Variants in LRRTM4 observed in about 807,000 individuals in gnomAD.
LRRTM4 encodes leucine-rich repeat transmembrane neuronal protein 4.
LRRTM4 carries 25 observed loss-of-function variants against 47.6 expected under a neutral mutation model. That is an observed-to-expected ratio of 0.53 (90% CI 0.38 to 0.73). LRRTM4 has a LOEUF of 0.73. LRRTM4 is among the 30% of genes least tolerant of loss of function. The pLI, the probability that LRRTM4 is intolerant of heterozygous loss-of-function variation, is 0.00. For missense variants in LRRTM4, 638 were observed against 713.4 expected (o/e 0.89, Z 1.20); for synonymous variants, 311 against 269.5 (o/e 1.15, Z -1.51).
chr2:77,103,446 A>T lies in LRRTM4; in HGVS notation c.1552-354530T>A, dbSNP rs552096746. Among the ~76,000 whole-genome samples the T allele has an allele frequency of 3.3e-5, 5 of 152,268 alleles. No homozygotes were observed. In the East Asian group the frequency reaches 9.7e-4, roughly 29 times the overall value. On this transcript the variant is annotated intron_variant, in intron 3 of 3. Coordinates refer to ENST00000409884, the MANE Select transcript of LRRTM4 (RefSeq NM_001134745.3). Reference sequence around the variant, plus strand: ...AAGAATTCCCCATAGTGTGAAAAACAGCCATCCATCTGTAAGAATGAGAAA... The same window carrying T: ...AAGAATTCCCCATAGTGTGAAAAACTGCCATCCATCTGTAAGAATGAGAAA...
At chr2:76,888,395 C>G (rs759216009) in intron 3 of LRRTM4, among the ~76,000 whole-genome samples, 2 of 151,420 alleles carry the variant, frequency 1.3e-5, no homozygotes, top group African/African-American at 2.4e-5. Context: ...TTCTCGAACA[C>G]ATACATAGAC....
intron 3 of LRRTM4, among the ~76,000 whole-genome samples, chr2:76,987,744 A>G (rs1676853754): frequency 1.3e-5 from 2 of 151,772 alleles, no homozygotes; most frequent in Admixed American, 6.6e-5. Flanking sequence ...CAGAGTCTCC[A>G]TTATCCTGTA....
At chr2:76,895,246 A>G (rs186862645) in intron 3 of LRRTM4, among the ~76,000 whole-genome samples, 163 of 152,176 alleles carry the variant, frequency 1.1e-3, no homozygotes, top group African/African-American at 3.8e-3. Context: ...ACCATGAATA[A>G]AAGTGCTTCA....
intron 3 of LRRTM4, among the ~76,000 whole-genome samples, chr2:76,846,063 G>A (rs577736000): frequency 2.4e-4 from 36 of 152,164 alleles, no homozygotes; most frequent in Admixed American, 5.2e-4. Flanking sequence ...ATATATATGC[G>A]CATTCAGTGG....
chr2:77,157,558 A>T (rs1233448909), intron 3 of LRRTM4, among the ~76,000 whole-genome samples: 1 of 152,120 alleles, frequency 6.6e-6, no homozygotes, highest in Non-Finnish European at 1.5e-5. Context: ...TCTTAAACGT[A>T]TGAGTATAGT....
At chr2:76,878,798 C>T (rs1204903255) in intron 3 of LRRTM4, among the ~76,000 whole-genome samples, 2 of 152,014 alleles carry the variant, frequency 1.3e-5, no homozygotes, top group Non-Finnish European at 2.9e-5. Flanking sequence ...CGCTTGAACC[C>T]AGGAGGCGGA....
chr2:76,909,847 C>T (rs1454256215), intron 3 of LRRTM4, among the ~76,000 whole-genome samples: 1 of 152,158 alleles, frequency 6.6e-6, no homozygotes, highest in East Asian at 1.9e-4. Flanking sequence ...CAGGAAACAA[C>T]AGGTGCTGGA....
chr2:76,931,465 T>A (rs1674766871), intron 3 of LRRTM4, among the ~76,000 whole-genome samples: 2 of 152,140 alleles, frequency 1.3e-5, no homozygotes. Flanking sequence ...CACAATGTCT[T>A]CCTTTAATCC....
At chr2:77,464,935 TA>T (rs1220762767) in intron 3 of LRRTM4, among the ~76,000 whole-genome samples, 1 of 152,268 alleles carries the variant, frequency 6.6e-6, no homozygotes, top group East Asian at 1.9e-4. Context: ...TCTGTGCCAA[TA>T]AGCAAATAAC....
chr2:76,944,500 T>C (rs1361022302), intron 3 of LRRTM4, among the ~76,000 whole-genome samples: 1 of 152,152 alleles, frequency 6.6e-6, no homozygotes, highest in Non-Finnish European at 1.5e-5. Context: ...AAGTATTAGT[T>C]ACCCAACAAA....
At chr2:77,217,440 A>AATAAATATATATATAT (rs1486543423) in intron 3 of LRRTM4, among the ~76,000 whole-genome samples, 1 of 76,818 alleles carries the variant, frequency 1.3e-5, no homozygotes, top group African/African-American at 6.2e-5. Flanking sequence ...CTCCAAATGA[A>AATAAATATATATATAT]ATATATATAT....
intron 3 of LRRTM4, among the ~76,000 whole-genome samples, chr2:76,823,678 GTTC>G (rs1486488776): frequency 1.3e-5 from 2 of 151,372 alleles, no homozygotes; most frequent in African/African-American, 2.4e-5. Flanking sequence ...TGAGAGTCAA[GTTC>G]TTCAACAACA....
intron 3 of LRRTM4, among the ~76,000 whole-genome samples, chr2:77,287,850 A>G (rs1044403376): frequency 1.3e-5 from 2 of 152,190 alleles, no homozygotes; most frequent in Non-Finnish European, 2.9e-5. Context: ...GAAAAACAAC[A>G]TAGTATACAT....
At chr2:76,863,071 CA>C (rs1672365766) in intron 3 of LRRTM4, among the ~76,000 whole-genome samples, 1 of 152,166 alleles carries the variant, frequency 6.6e-6, no homozygotes, top group Admixed American at 6.6e-5. Flanking sequence ...ACACGTCTGA[CA>C]TTGAAGACAT....
At chr2:77,133,527 A>C (rs186662965) in intron 3 of LRRTM4, among the ~76,000 whole-genome samples, 1 of 152,316 alleles carries the variant, frequency 6.6e-6, no homozygotes, top group Non-Finnish European at 1.5e-5. Flanking sequence ...ATTTTTAATA[A>C]GTGATAATTG....
chr2:77,147,488 T>C (rs893469915), intron 3 of LRRTM4, among the ~76,000 whole-genome samples: 7 of 152,198 alleles, frequency 4.6e-5, no homozygotes, highest in Non-Finnish European at 7.4e-5. Flanking sequence ...ATGTACATTA[T>C]GCCATCACGT....
intron 3 of LRRTM4, among the ~76,000 whole-genome samples, chr2:76,762,575 G>T (rs900251437): frequency 2.0e-5 from 3 of 152,136 alleles, no homozygotes; most frequent in Admixed American, 2.0e-4. Context: ...CATTTGTAAG[G>T]ACAGCAGATA....
At chr2:77,320,723 T>G (rs1677763384) in intron 3 of LRRTM4, among the ~76,000 whole-genome samples, 1 of 152,028 alleles carries the variant, frequency 6.6e-6, no homozygotes, top group South Asian at 2.1e-4. Context: ...TATGAGTTAT[T>G]TAAAATTTTT....
chr2:76,753,271 T>A (rs1265277587), intron 3 of LRRTM4, among the ~76,000 whole-genome samples: 1 of 152,194 alleles, frequency 6.6e-6, no homozygotes, highest in Non-Finnish European at 1.5e-5. Context: ...CAGAAGATGC[T>A]GAAAGTATTC....
Sources: allele counts gnomAD v4.1 joint callset (sites outside exome capture counted in the v4.1 genomes callset), GRCh38; gene constraint gnomAD v4.1.1; transcripts MANE v1.5; gene names NCBI Gene and HGNC (gene_info 2026-07-23, HGNC 2026-07-21).